Variants in PLEKHS1 observed in about 807,000 individuals in gnomAD.
PLEKHS1 encodes the protein pleckstrin homology domain containing S1, also known as pleckstrin homology domain-containing family S member 1.
Under a neutral mutation model 51.0 loss-of-function variants are expected in PLEKHS1, and 55 were observed. That is an observed-to-expected ratio of 1.08 (90% CI 0.87 to 1.35). PLEKHS1 has a LOEUF of 1.35. Ranked by LOEUF, PLEKHS1 falls within the 40% of genes most tolerant of loss-of-function variation. PLEKHS1 has a pLI of 0.00. For synonymous variants in PLEKHS1, 153 were observed against 144.8 expected, an observed-to-expected ratio of 1.06 and a Z score of -0.41; for missense variants, 398 against 423.0, an observed-to-expected ratio of 0.94 and a Z score of 0.52.
chr10:113,782,807 A>T (rs1844897582), downstream of PLEKHS1: 2 of 152,082 alleles, frequency 1.3e-5, no homozygotes, highest in African/African-American at 4.8e-5. Context: ...GGTCTTGGGG[A>T]TTTCTTTATT....
At chr10:113,758,811 A>T (rs767269544) in intron 2 of PLEKHS1, among the ~76,000 whole-genome samples, 1 of 152,154 alleles carries the variant, frequency 6.6e-6, no homozygotes, top group African/African-American at 2.4e-5. Flanking sequence ...TATGGGCACC[A>T]TTCATACTGT....
chr10:113,759,519 T>C (rs1042487075), intron 2 of PLEKHS1, among the ~76,000 whole-genome samples: 1 of 152,266 alleles, frequency 6.6e-6, no homozygotes, highest in Admixed American at 6.5e-5. Context: ...TTAACATAAA[T>C]GGAATCATAC....
intron 2 of PLEKHS1, among the ~76,000 whole-genome samples, chr10:113,762,530 T>C (rs772843008): frequency 1.3e-4 from 20 of 151,956 alleles, no homozygotes. Context: ...CAAATTCTGA[T>C]ACCTTGTGTT....
intron 2 of PLEKHS1, among the ~76,000 whole-genome samples, chr10:113,764,179 C>A (rs938460685): frequency 1.3e-5 from 2 of 152,172 alleles, no homozygotes; most frequent in African/African-American, 4.8e-5. Context: ...CGGCTCACTG[C>A]AACCTCTGCC....
At chr10:113,765,535 A>G in intron 2 of PLEKHS1, 4 of 608,120 alleles carry the variant, frequency 6.6e-6, no homozygotes, top group Non-Finnish European at 1.2e-5. Context: ...TAGCAGACAA[A>G]AGCAAAACCA....
intron 2 of PLEKHS1, among the ~76,000 whole-genome samples, chr10:113,759,109 A>C (rs1202800693): frequency 6.6e-6 from 1 of 152,208 alleles, no homozygotes; most frequent in Non-Finnish European, 1.5e-5. Flanking sequence ...GAAATCATCA[A>C]GATGGTAAAT....
At position 113,771,954 on chromosome 10, in the gene PLEKHS1, T is replaced by A; in HGVS notation, c.553-16T>A. 6.3e-7 allele frequency: 1 copy of A among 1,594,630 alleles called. No homozygotes were observed. Among genetic ancestry groups the A allele is most frequent in the Non-Finnish European group, 8.5e-7 (1 of 1,175,062 alleles). On this transcript the variant is annotated splice_polypyrimidine_tract_variant and intron_variant, in intron 7 of 11. Coordinates refer to ENST00000361048, the Ensembl canonical transcript of PLEKHS1. The stretch of plus-strand genomic sequence containing the variant: ...TTGCAAAGAAAAAGCAAAGCATTTT[T>A]ATCTCTTTTCTTCAGCATTTAATGG...
chr10:113,759,983 C>G (rs1247675109), intron 2 of PLEKHS1, among the ~76,000 whole-genome samples: 2 of 152,086 alleles, frequency 1.3e-5, no homozygotes, highest in Non-Finnish European at 2.9e-5. Context: ...GCATATTCAT[C>G]AACCTCACAA....
chr10:113,765,492 C>A, intron 2 of PLEKHS1: 1 of 739,820 alleles, frequency 1.4e-6, no homozygotes, highest in South Asian at 1.4e-5. Context: ...CTCTTGAATA[C>A]TTGAGGGAGA....
intron 7 of PLEKHS1, among the ~76,000 whole-genome samples, chr10:113,771,640 A>G (rs1020677059): frequency 1.9e-4 from 27 of 142,198 alleles, no homozygotes. Flanking sequence ...GCGCCACTGC[A>G]CTCCAGCCTG....
At chr10:113,776,167 T>C (rs1411444192) in intron 11 of PLEKHS1, among the ~76,000 whole-genome samples, 8 of 152,154 alleles carry the variant, frequency 5.3e-5, no homozygotes. Context: ...CCCAAGGACA[T>C]CATTTCCAAT....
intron 11 of PLEKHS1, among the ~76,000 whole-genome samples, chr10:113,776,286 T>TA (rs919781272): frequency 1.1e-4 from 16 of 150,416 alleles, no homozygotes; most frequent in Middle Eastern, 3.4e-3. Context: ...GACACAAGGT[T>TA]AAAAAAAAAC....
chr10:113,774,784 C>T, intron 9 of PLEKHS1, 42 bp from the exon 10 acceptor site: 1 of 1,562,916 alleles, frequency 6.4e-7, no homozygotes, highest in South Asian at 1.1e-5. Flanking sequence ...ACTGTAAAAA[C>T]ACATGCTAAA....
downstream of PLEKHS1, chr10:113,782,904 A>G (rs1035897768): frequency 1.3e-5 from 2 of 152,184 alleles, no homozygotes; most frequent in Non-Finnish European, 2.9e-5. Context: ...ACAAAGATAC[A>G]TGTAAAAAAA....
intron 9 of PLEKHS1, 48 bp downstream of exon 9, chr10:113,774,381 TAAGG>T: frequency 9.3e-7 from 1 of 1,075,504 alleles, no homozygotes. Context: ...CATCTGCTGT[TAAGG>T]AACAATGATT....
intron 11 of PLEKHS1, chr10:113,777,214 C>T (rs762345431): frequency 1.2e-6 from 2 of 1,612,810 alleles, no homozygotes; most frequent in Non-Finnish European, 8.5e-7. Flanking sequence ...AACCCCAGAG[C>T]CTGGAGGAGG....
At chr10:113,757,066 A>G (rs1389758231) in intron 2 of PLEKHS1, among the ~76,000 whole-genome samples, 2 of 151,988 alleles carry the variant, frequency 1.3e-5, no homozygotes, top group Non-Finnish European at 2.9e-5. Context: ...GCCTGCCACC[A>G]TGCCTGGCTC....
intron 2 of PLEKHS1, among the ~76,000 whole-genome samples, chr10:113,763,022 A>G (rs947556148): frequency 3.9e-5 from 6 of 152,120 alleles, no homozygotes; most frequent in Admixed American, 1.3e-4. Flanking sequence ...TATTTGTTCT[A>G]TCAGTTCTTG....
At chr10:113,762,698 T>A (rs1843995827) in intron 2 of PLEKHS1, among the ~76,000 whole-genome samples, 1 of 152,032 alleles carries the variant, frequency 6.6e-6, no homozygotes, top group Admixed American at 6.5e-5. Context: ...TGAATGCTTT[T>A]AAATTTATTG....
Sources: allele counts gnomAD v4.1 joint callset (sites outside exome capture counted in the v4.1 genomes callset), GRCh38; gene constraint gnomAD v4.1.1; transcripts MANE v1.5; gene names NCBI Gene and HGNC (gene_info 2026-07-23, HGNC 2026-07-21).